MAP4K5: variants seen among roughly 807,000 people sequenced by gnomAD.
MAP4K5 encodes the protein MAPK/ERK kinase kinase kinase 5.
Under a neutral mutation model 135.6 loss-of-function variants are expected in MAP4K5, and 82 were observed. That is an observed-to-expected ratio of 0.60 (90% confidence interval 0.51 to 0.73). MAP4K5 has a LOEUF of 0.73. MAP4K5 is among the 30% of genes least tolerant of loss of function. The pLI is 0.00. For missense variants in MAP4K5, 907 were observed against 1,010.9 expected (o/e 0.90, Z 1.39); for synonymous variants, 347 against 335.0 (o/e 1.04, Z -0.39).
At position 50,425,941 on chromosome 14, in the gene MAP4K5, T is replaced by C; in HGVS notation, c.2363A>G (p.His788Arg). 6.2e-7 allele frequency: 1 copy of C among 1,613,054 alleles called. No individual in the cohort carries two copies. The highest frequency in any genetic ancestry group is 2.2e-5 in the East Asian group (1 of 44,824). ...CTTGAAGCTTTTACCCTGCATCCCA[T>C]GTTTCCAGAAAGCCAACACACTGTC... is the stretch of plus-strand genomic sequence containing the variant. ...LQDSVLAFWK[H>R]GMQGKSFKSD... Residue 788 changes from histidine to arginine, a missense_variant, in exon 31 of 33, where the codon CAT becomes CGT. His to Arg is a conservative substitution (Grantham distance 29). Coordinates refer to ENST00000682126, the MANE Select transcript of MAP4K5 (RefSeq NM_006575.6).
intron 22 of MAP4K5, 125 bp downstream of exon 22, chr14:50,440,237 T>C: frequency 1.3e-6 from 1 of 795,734 alleles, no homozygotes; most frequent in Non-Finnish European, 1.9e-6. Flanking sequence ...AGAGTACAAT[T>C]TTATCCCTTT....
intron 1 of MAP4K5, 86 bp downstream of exon 1, chr14:50,532,362 G>T: frequency 3.4e-6 from 1 of 292,174 alleles, no homozygotes; most frequent in Non-Finnish European, 6.3e-6. Context: ...GCCCGACGAG[G>T]CCTCCCCGCC....
intron 26 of MAP4K5, among the ~76,000 whole-genome samples, chr14:50,435,946 G>GACC (rs1317417537): frequency 6.6e-6 from 1 of 151,970 alleles, no homozygotes; most frequent in Non-Finnish European, 1.5e-5. Flanking sequence ...GGCCTTTTGT[G>GACC]CATCACAGAT....
In MAP4K5 at chr14:50,437,883, A is replaced by G. The variant is rs761483219; in HGVS notation, c.1823+11T>C. The G allele has an allele frequency of 4.1e-6, 6 of 1,466,928 alleles. No homozygotes were observed. The highest frequency in any genetic ancestry group is 1.4e-5 in the African/African-American group (1 of 71,704). 90.9% of individuals were successfully genotyped at this position (1,466,928 alleles called of 1,614,324 possible). A position where few individuals can be genotyped will look rare whatever the true frequency, so the allele number is the denominator to read the frequency against. On this transcript the variant is annotated intron_variant, in intron 25 of 32. Coordinates refer to ENST00000682126, the MANE Select transcript of MAP4K5 (RefSeq NM_006575.6). Reference sequence around the variant, plus strand: ...CCCCTCATTCAGTAGAATCAAAATGATATTTTGTACCTTGGTAGTATTCGG... The same window carrying G: ...CCCCTCATTCAGTAGAATCAAAATGGTATTTTGTACCTTGGTAGTATTCGG...
chr14:50,460,248 C>A (rs999610734), intron 13 of MAP4K5, among the ~76,000 whole-genome samples: 5 of 152,084 alleles, frequency 3.3e-5, no homozygotes, highest in Middle Eastern at 3.2e-3. Flanking sequence ...GTTGGTACTT[C>A]TGAATTTCCT....
chr14:50,494,609 C>T (rs1370772622), intron 3 of MAP4K5, among the ~76,000 whole-genome samples: 1 of 152,084 alleles, frequency 6.6e-6, no homozygotes, highest in Non-Finnish European at 1.5e-5. Flanking sequence ...AAGAGACTCT[C>T]CATAGCCAAA....
At chr14:50,481,928 G>A (rs2037251450) in intron 6 of MAP4K5, among the ~76,000 whole-genome samples, 1 of 152,166 alleles carries the variant, frequency 6.6e-6, no homozygotes, top group African/African-American at 2.4e-5. Flanking sequence ...AATAGTAAAA[G>A]CCCCTATGTC....
intron 6 of MAP4K5, among the ~76,000 whole-genome samples, chr14:50,481,513 A>G (rs1387381950): frequency 6.6e-6 from 1 of 152,082 alleles, no homozygotes; most frequent in Non-Finnish European, 1.5e-5. Flanking sequence ...AATATAGGAA[A>G]TTTAGGGATA....
intron 2 of MAP4K5, among the ~76,000 whole-genome samples, chr14:50,513,650 C>A (rs2037974878): frequency 1.3e-5 from 2 of 151,888 alleles, no homozygotes; most frequent in Non-Finnish European, 2.9e-5. Context: ...AAGACCATCA[C>A]CATGAAGAAA....
intron 3 of MAP4K5, among the ~76,000 whole-genome samples, chr14:50,491,173 G>A (rs1482181686): frequency 6.6e-6 from 1 of 152,090 alleles, no homozygotes; most frequent in Non-Finnish European, 1.5e-5. Flanking sequence ...AAACCTGGTT[G>A]TGCCAAGATA....
At chr14:50,442,925 CTTG>C (rs1220666334) in intron 20 of MAP4K5, 109 bp from the exon 21 acceptor site, 59 of 625,944 alleles carry the variant, frequency 9.4e-5, no homozygotes, top group Middle Eastern at 4.3e-4. Context: ...TTTGCGTATG[CTTG>C]TTGTTTCATT....
intron 2 of MAP4K5, among the ~76,000 whole-genome samples, chr14:50,512,248 AAAG>A (rs2037945868): frequency 6.6e-6 from 1 of 152,154 alleles, no homozygotes; most frequent in South Asian, 2.1e-4. Context: ...TTATTTTTGA[AAAG>A]AATACACATT....
intron 10 of MAP4K5, 95 bp from the exon 11 acceptor site, chr14:50,466,740 C>T (rs1306301556): frequency 1.7e-6 from 1 of 605,436 alleles, no homozygotes; most frequent in African/African-American, 1.9e-5. Flanking sequence ...AAGACTACCA[C>T]ATAAGTGGAC....
intron 3 of MAP4K5, among the ~76,000 whole-genome samples, chr14:50,493,986 G>C (rs1270924588): frequency 3.4e-5 from 5 of 146,570 alleles, no homozygotes; most frequent in Non-Finnish European, 7.5e-5. Flanking sequence ...AGAATCCATC[G>C]CAAAAAAAAA....
intron 24 of MAP4K5, 30 bp downstream of exon 24, chr14:50,438,062 C>A: frequency 9.8e-7 from 1 of 1,017,638 alleles, no homozygotes; most frequent in Non-Finnish European, 1.6e-6. Flanking sequence ...CAGAGAAATA[C>A]AATTTTCGAG....
intron 13 of MAP4K5, among the ~76,000 whole-genome samples, chr14:50,462,102 C>T (rs2036723522): frequency 6.6e-6 from 1 of 152,156 alleles, no homozygotes; most frequent in African/African-American, 2.4e-5. Context: ...TTTGTTAATA[C>T]AAATTCAACT....
At chr14:50,445,440 A>C (rs994969265) in intron 17 of MAP4K5, among the ~76,000 whole-genome samples, 26 of 152,342 alleles carry the variant, frequency 1.7e-4, no homozygotes, top group African/African-American at 6.0e-4. Context: ...AAACAACTAG[A>C]AACAATCAAG....
chr14:50,543,145 T>A (rs2038587598), intron 1 of MAP4K5, among the ~76,000 whole-genome samples: 1 of 152,258 alleles, frequency 6.6e-6, no homozygotes, highest in East Asian at 1.9e-4. Context: ...TAGTGCTTGC[T>A]CAGTGTGCCT....
chr14:50,518,473 T>A (rs1223239263), intron 2 of MAP4K5, among the ~76,000 whole-genome samples: 1 of 152,132 alleles, frequency 6.6e-6, no homozygotes, highest in African/African-American at 2.4e-5. Context: ...AACTCCCACT[T>A]ATAAGCGAGA....
Sources: allele counts gnomAD v4.1 joint callset (sites outside exome capture counted in the v4.1 genomes callset), GRCh38; gene constraint gnomAD v4.1.1; transcripts MANE v1.5; gene names NCBI Gene and HGNC (gene_info 2026-07-23, HGNC 2026-07-21).